VWA3B: variants seen among roughly 807,000 people sequenced by gnomAD.
VWA3B encodes von Willebrand factor A domain containing 3B.
In VWA3B, 138 loss-of-function variants were observed where a neutral mutation model predicts 158.3. The ratio of observed to expected loss-of-function variants is 0.87; its 90% confidence interval spans 0.76 to 1.00. VWA3B has a LOEUF of 1.00. VWA3B is among the 50% of genes least tolerant of loss of function. The pLI is 0.00. For synonymous variants in VWA3B, 596 were observed against 587.3 expected (o/e 1.01, Z -0.21); for missense variants, 1,555 against 1,565.1 (o/e 0.99, Z 0.11).
At chr2:98,300,926 G>T (rs1690138307) in intron 25 of VWA3B, among the ~76,000 whole-genome samples, 1 of 152,162 alleles carries the variant, frequency 6.6e-6, no homozygotes, top group African/African-American at 2.4e-5. Context: ...GTTGGCAGAA[G>T]TTGGGAGACA....
At chr2:98,269,656 A>G (rs1269060805) in intron 21 of VWA3B, among the ~76,000 whole-genome samples, 1 of 152,174 alleles carries the variant, frequency 6.6e-6, no homozygotes, top group Non-Finnish European at 1.5e-5. Context: ...AAATGCAACA[A>G]GCTTTCTTAC....
In VWA3B at chr2:98,119,596, G is replaced by A; in HGVS notation, c.375G>A (p.Trp125Ter). The A allele has an allele frequency of 6.2e-7, 1 of 1,614,088 alleles. No homozygotes were observed. Residue 125 changes from tryptophan to a stop codon, truncating the protein, a stop_gained, in exon 4 of 28, where the codon TGG (tryptophan) becomes TGA (stop). Coordinates refer to ENST00000477737, the MANE Select transcript of VWA3B (RefSeq NM_144992.5). LOFTEE classifies it high-confidence loss of function. ...AVESYKQRMDWLTSKSRQIFG... is the reference protein window; with the variant it reads ...AVESYKQRMD ...AGAGCTACAAGCAGCGAATGGACTGGCTCACCAGCAAGAGCCGGCAGATTT... is the reference window on the plus strand; with the variant it reads ...AGAGCTACAAGCAGCGAATGGACTGACTCACCAGCAAGAGCCGGCAGATTT...
At chr2:98,305,540 C>T (rs910857381) in intron 26 of VWA3B, among the ~76,000 whole-genome samples, 6 of 152,176 alleles carry the variant, frequency 3.9e-5, no homozygotes, top group African/African-American at 1.2e-4. Flanking sequence ...CCAACCACCC[C>T]CTGGATATTT....
intron 4 of VWA3B, among the ~76,000 whole-genome samples, chr2:98,120,750 T>C (rs1169191422): frequency 6.6e-6 from 1 of 152,248 alleles, no homozygotes; most frequent in Non-Finnish European, 1.5e-5. Flanking sequence ...CCAAACTAAA[T>C]GGTTTAACCA....
chr2:98,245,190 AAC>A (rs1686314324), intron 19 of VWA3B, among the ~76,000 whole-genome samples: 1 of 152,020 alleles, frequency 6.6e-6, no homozygotes, highest in African/African-American at 2.4e-5. Flanking sequence ...TTTGCATTAT[AAC>A]AGTAACAAGT....
chr2:98,193,123 A>T, intron 11 of VWA3B, 87 bp downstream of exon 11: 2 of 1,498,500 alleles, frequency 1.3e-6, no homozygotes, highest in Non-Finnish European at 1.8e-6. Context: ...GCTCTAAAAA[A>T]TTCCTAAGAA....
rs12105922 is a variant in VWA3B, at chr2:98,223,145, A to T, written c.2020-5057A>T. 3.2e-3 allele frequency among the ~76,000 whole-genome samples: 494 copies of T among 152,334 alleles called. 3 individuals carry two copies. Among genetic ancestry groups the T allele is most frequent in the African/African-American group, 0.011 (461 of 41,580 alleles). ...GAATATAAGTAGGAATTATAAAAAAAATTCCAAGTGGAACTTTGAGAACTG... is the reference window on the plus strand; with the variant it reads ...GAATATAAGTAGGAATTATAAAAAATATTCCAAGTGGAACTTTGAGAACTG... On this transcript the variant is annotated intron_variant, in intron 14 of 27. Coordinates refer to ENST00000477737, the MANE Select transcript of VWA3B (RefSeq NM_144992.5).
At chr2:98,206,885 A>G (rs1683066673) in intron 12 of VWA3B, 1 of 414,130 alleles carries the variant, frequency 2.4e-6, no homozygotes, top group Non-Finnish European at 4.7e-6. Flanking sequence ...AATGACTTAT[A>G]TTATGAAATG....
rs565386536 is a variant in VWA3B at position 98,257,428 on chromosome 2, G to A, written c.2843+1254G>A. ...ATCTTGCTGCAATAAACATGAGGGTGCAGGTGTCCCTATGATACATATTGA... is the reference window on the plus strand; with the variant it reads ...ATCTTGCTGCAATAAACATGAGGGTACAGGTGTCCCTATGATACATATTGA... On this transcript the variant is annotated intron_variant, in intron 21 of 27. Transcript: ENST00000477737. Among the ~76,000 whole-genome samples the A allele has an allele frequency of 2.0e-4, 31 of 152,140 alleles. No homozygotes were observed. In the East Asian group the frequency reaches 5.6e-3, roughly 27 times the overall value.
chr2:98,156,173 G>A (rs1235748603), intron 7 of VWA3B, among the ~76,000 whole-genome samples: 1 of 152,190 alleles, frequency 6.6e-6, no homozygotes, highest in Non-Finnish European at 1.5e-5. Context: ...TGTTCATTTT[G>A]TATTTCCAGT....
intron 14 of VWA3B, among the ~76,000 whole-genome samples, chr2:98,225,652 AC>A (rs1230396533): frequency 2.6e-5 from 4 of 151,528 alleles, no homozygotes; most frequent in African/African-American, 9.7e-5. Context: ...AAGAAATAAA[AC>A]TTTTTATGTG....
chr2:98,248,869 T>C (rs62156723), intron 19 of VWA3B, among the ~76,000 whole-genome samples: 4 of 32,140 alleles, frequency 1.2e-4, no homozygotes, highest in East Asian at 1.1e-3. Context: ...CTTTCTTTCT[T>C]TCTTTCTTTC....
At chr2:98,147,706 T>A (rs574553265) in intron 7 of VWA3B, among the ~76,000 whole-genome samples, 3 of 152,278 alleles carry the variant, frequency 2.0e-5, no homozygotes, top group South Asian at 2.1e-4. Context: ...TTTCTTTTTT[T>A]AATTATTATT....
chr2:98,117,693 T>C (rs1329747941), intron 3 of VWA3B, among the ~76,000 whole-genome samples: 1 of 151,828 alleles, frequency 6.6e-6, no homozygotes, highest in African/African-American at 2.4e-5. Context: ...GGGTGGTAGG[T>C]TGCCTTCAGC....
At chr2:98,300,514 C>T (rs1047096679) in intron 25 of VWA3B, among the ~76,000 whole-genome samples, 10 of 152,204 alleles carry the variant, frequency 6.6e-5, no homozygotes, top group Non-Finnish European at 1.0e-4. Context: ...TCTGGCTCTC[C>T]GTCTTCCTCA....
chr2:98,198,173 C>A (rs1480539653), intron 12 of VWA3B, among the ~76,000 whole-genome samples: 1 of 151,970 alleles, frequency 6.6e-6, no homozygotes, highest in African/African-American at 2.4e-5. Flanking sequence ...ACACAGAGCC[C>A]AGGGTTCATT....
intron 7 of VWA3B, among the ~76,000 whole-genome samples, chr2:98,141,753 T>G (rs761556568): frequency 2.0e-5 from 3 of 152,186 alleles, no homozygotes; most frequent in East Asian, 3.9e-4. Context: ...TTCTGTGATA[T>G]TCTTTGAACC....
At chr2:98,251,988 C>T (rs1424830562) in intron 20 of VWA3B, among the ~76,000 whole-genome samples, 3 of 152,190 alleles carry the variant, frequency 2.0e-5, no homozygotes, top group African/African-American at 4.8e-5. Context: ...GCTCACCCTT[C>T]CCCGTGGGTC....
chr2:98,230,515 GTA>G (rs1243811785), intron 16 of VWA3B, among the ~76,000 whole-genome samples: 3 of 152,084 alleles, frequency 2.0e-5, no homozygotes, highest in African/African-American at 7.2e-5. Context: ...GTGTGTGTGT[GTA>G]TGTGTGTGTG....
Sources: gnomAD v4.1 joint callset for allele counts (sites outside exome capture counted in the v4.1 genomes callset) on GRCh38, gnomAD v4.1.1 for gene constraint, MANE v1.5 for transcripts, NCBI Gene and HGNC (gene_info 2026-07-23, HGNC 2026-07-21) for gene names.